Variants in DNMT3L observed in about 807,000 individuals in gnomAD.
DNMT3L encodes the protein DNA (cytosine-5)-methyltransferase 3-like.
A neutral mutation model predicts 36.2 loss-of-function variants in DNMT3L; 33 were observed. The observed-to-expected ratio is 0.91, with a 90% confidence interval of 0.69 to 1.22. The LOEUF (loss-of-function observed/expected upper bound fraction) is 1.22. Ranked by LOEUF, DNMT3L falls within the 50% of genes most tolerant of loss-of-function variation. The pLI, the probability that DNMT3L is intolerant of heterozygous loss-of-function variation, is 0.00. For synonymous variants in DNMT3L, 117 were observed against 121.7 expected, an observed-to-expected ratio of 0.96 and a Z score of 0.26; for missense variants, 310 against 303.1, an observed-to-expected ratio of 1.02 and a Z score of -0.17.
chr21:44,260,852 A>T lies in DNMT3L; in HGVS notation c.107-13T>A. On this transcript the variant is annotated splice_polypyrimidine_tract_variant and intron_variant, in intron 2 of 11. Coordinates refer to ENST00000628202, the MANE Select transcript of DNMT3L (RefSeq NM_175867.3). Reference sequence around the variant, plus strand: ...TATGCAATAAGATCTGGAAAGGAAGATAAGAAGTAGCCCCTTTCTTCTTCC... The same window carrying T: ...TATGCAATAAGATCTGGAAAGGAAGTTAAGAAGTAGCCCCTTTCTTCTTCC... 2 of 1,613,138 alleles carry T rather than the reference A, an allele frequency of 1.2e-6. No homozygotes were observed. The highest frequency in any genetic ancestry group is 1.7e-5 in the Admixed American group (1 of 60,014).
Position 44,261,187 on chromosome 21 carries a change from G to A in DNMT3L, c.73C>T (p.Leu25Phe). 1 of 1,612,746 alleles carries A rather than the reference G, an allele frequency of 6.2e-7. No individual in the cohort carries two copies. The highest frequency in any genetic ancestry group is 1.1e-5 in the South Asian group (1 of 91,088). ...GTCCCGGGTGAAACGGAGCTTGAGA[G>A]CTCACTGGATCCCACCAAAATCACG... Reference protein sequence around the residue: ...MDVILVGSSELSSSVSPGTGR... With the variant: ...MDVILVGSSEFSSSVSPGTGR... The change falls in exon 2 of 12, where the codon CTC (leucine) becomes TTC (phenylalanine). Residue 25 changes from leucine to phenylalanine, a missense_variant. By Grantham distance (22) the Leu-to-Phe change is conservative. Transcript: ENST00000628202.
chr21:44,259,710 G>T lies in DNMT3L; in HGVS notation c.153C>A (p.Asp51Glu), dbSNP rs1416986266. 8 of 1,609,284 alleles carry T rather than the reference G, an allele frequency of 5.0e-6. No individual in the cohort carries two copies. The highest frequency in any genetic ancestry group is 1.3e-5 in the African/African-American group (1 of 74,840). ...EVKANQRNIE[D>E]ICICCGSLQV... Reference sequence around the variant, plus strand: ...GGAGACTTCCGCAGCAGATGCAGATGTCTAAAGGAAACATTCAAAGCACAC... The same window carrying T: ...GGAGACTTCCGCAGCAGATGCAGATTTCTAAAGGAAACATTCAAAGCACAC... The change falls in exon 4 of 12, where the codon GAC becomes GAA. Residue 51 changes from aspartate (D) to glutamate (E), a missense_variant and splice_region_variant. Coordinates refer to ENST00000628202, the MANE Select transcript of DNMT3L (RefSeq NM_175867.3).
Position 44,258,637 on chromosome 21 carries a change from C to T in DNMT3L, c.402G>A (p.Val134=). The T allele has an allele frequency of 6.2e-7, 1 of 1,612,894 alleles. No individual in the cohort carries two copies. Among genetic ancestry groups the T allele is most frequent in the African/African-American group, 1.3e-5 (1 of 75,068 alleles). ...AGCACACCCAGTTGCTCATGGCGTG[C>T]ACCTTCCCCGAGGTCCCGGGGCCGA... ...SLVGPGTSGK[V]HAMSNWVCYL... The change falls in exon 6 of 12, where the codon GTG becomes GTA. Residue 134 remains valine (V), a synonymous_variant. Transcript: ENST00000628202. This position sits in a 1 kb window ranked among gnomAD's most constrained non-coding sequence, Gnocchi z 6.2.
chr21:44,253,543 C>G (rs928792287), intron 8 of DNMT3L, among the ~76,000 whole-genome samples: 1 of 152,086 alleles, frequency 6.6e-6, no homozygotes, highest in Non-Finnish European at 1.5e-5. Flanking sequence ...ATGGTGAAAC[C>G]CCGTCTCTAC....
At chr21:44,261,550 C>T (rs2040319411) in intron 1 of DNMT3L, among the ~76,000 whole-genome samples, 190 bp downstream of exon 1, 1 of 152,096 alleles carries the variant, frequency 6.6e-6, no homozygotes, top group South Asian at 2.1e-4. Flanking sequence ...GGGCAGGGCC[C>T]TCATGAGGAC....
At chr21:44,255,626 G>A (rs1439322677) in intron 7 of DNMT3L, among the ~76,000 whole-genome samples, 2 of 152,212 alleles carry the variant, frequency 1.3e-5, no homozygotes, top group African/African-American at 4.8e-5. Flanking sequence ...GCTGGTGTGA[G>A]CTGCAGAGCC....
chr21:44,256,346 C>G (rs892498416), intron 6 of DNMT3L, among the ~76,000 whole-genome samples, 192 bp from the exon 7 acceptor site: 2 of 151,932 alleles, frequency 1.3e-5, no homozygotes, highest in African/African-American at 2.4e-5. Context: ...CAACTCCACC[C>G]CCTGCTCCAG....
intron 5 of DNMT3L, among the ~76,000 whole-genome samples, 176 bp downstream of exon 5, chr21:44,259,260 AC>A (rs2040293609): frequency 6.6e-6 from 1 of 152,086 alleles, no homozygotes; most frequent in Non-Finnish European, 1.5e-5. Flanking sequence ...AACCGTAGAC[AC>A]CCGCCTCCCA....
Position 44,258,769 on chromosome 21 carries a change from T to A in DNMT3L, c.345-75A>T, listed in dbSNP as rs903273316. On this transcript the variant is annotated intron_variant, in intron 5 of 11. Coordinates refer to ENST00000628202, the MANE Select transcript of DNMT3L (RefSeq NM_175867.3). The surrounding 1 kb of genome is among the most constrained non-coding windows in gnomAD (Gnocchi z 6.2). Reference sequence around the variant, plus strand: ...CTGAGGATGGCAGAGGTGGGCCTGATTGAGCCTTGTTTTGGAGGGAAAAGT... The same window carrying A: ...CTGAGGATGGCAGAGGTGGGCCTGAATGAGCCTTGTTTTGGAGGGAAAAGT... 1 of 1,535,436 alleles carries A rather than the reference T, an allele frequency of 6.5e-7. No individual in the cohort carries two copies. Among genetic ancestry groups the A allele is most frequent in the Non-Finnish European group, 8.8e-7 (1 of 1,138,250 alleles).
intron 7 of DNMT3L, among the ~76,000 whole-genome samples, chr21:44,255,549 T>C (rs2040251006): frequency 6.7e-6 from 1 of 150,070 alleles, no homozygotes; most frequent in African/African-American, 2.5e-5. Flanking sequence ...GCACCAGGCA[T>C]TTCTGGGATG....
In DNMT3L at chr21:44,258,460, C is replaced by T. The variant is rs1036170984; in HGVS notation, c.516+63G>A. ...CGCGCCTGCATTCTGCAGCGGGAAC[C>T]GAGGGAAGGCCGTAAGTCAGGGCCT... is the stretch of plus-strand genomic sequence containing the variant. On this transcript the variant is annotated intron_variant, in intron 6 of 11. Coordinates refer to ENST00000628202, the MANE Select transcript of DNMT3L (RefSeq NM_175867.3). The surrounding 1 kb of genome is among the most constrained non-coding windows in gnomAD (Gnocchi z 6.2). 6 of 1,477,598 alleles carry T rather than the reference C, an allele frequency of 4.1e-6. No individual in the cohort carries two copies. Among genetic ancestry groups the T allele is most frequent in the African/African-American group, 1.4e-5 (1 of 70,976 alleles). 91.5% of individuals were successfully genotyped at this position (1,477,598 alleles called of 1,614,324 possible). A position where few individuals can be genotyped will look rare whatever the true frequency, so the allele number is the denominator to read the frequency against.
chr21:44,259,735 C>T (rs772262503), intron 3 of DNMT3L, 24 bp from the exon 4 acceptor site: 1 of 1,595,074 alleles, frequency 6.3e-7, no homozygotes, highest in South Asian at 1.1e-5. Context: ...TCAAAGCACA[C>T]TGTGTTTTCC....
chr21:44,261,068 A>T lies in DNMT3L; in HGVS notation c.106+86T>A. The T allele has an allele frequency of 7.9e-6, 12 of 1,521,948 alleles. 1 individual carries two copies. Among genetic ancestry groups the T allele is most frequent in the Non-Finnish European group, 1.1e-5 (12 of 1,110,520 alleles). The allele number at this position is 1,521,948 out of a possible 1,614,324, so 94.3% of individuals were successfully genotyped here. On this transcript the variant is annotated intron_variant, in intron 2 of 11. Coordinates refer to ENST00000628202, the MANE Select transcript of DNMT3L (RefSeq NM_175867.3). ...CCGGGTGCCTGAATAATGCATGAAT[A>T]CTCCAGAAGCCTGGAACTCCAGACC... is the stretch of plus-strand genomic sequence containing the variant.
Position 44,259,686 on chromosome 21 carries a change from G to A in DNMT3L, c.177C>T (p.Leu59=). ...IEDICICCGS[L]QVHTQHPLFE... is the part of the protein sequence containing the mutation. ...ACAGAGGGTGCTGTGTGTGAACCTGGAGACTTCCGCAGCAGATGCAGATGT... is the reference window on the plus strand; with the variant it reads ...ACAGAGGGTGCTGTGTGTGAACCTGAAGACTTCCGCAGCAGATGCAGATGT... Residue 59 remains leucine (L), a synonymous_variant, in exon 4 of 12, where the codon CTC becomes CTT. Transcript: ENST00000628202. 1 of 1,612,572 alleles carries A rather than the reference G, an allele frequency of 6.2e-7. No individual in the cohort carries two copies. Among genetic ancestry groups the A allele is most frequent in the Middle Eastern group, 1.6e-4 (1 of 6,062 alleles).
In DNMT3L at chr21:44,258,799, C is replaced by T; in HGVS notation, c.345-105G>A. ...CCTTGTTTTGGAGGGAAAAGTCACG[C>T]TGGAGCTCCCTTTGGGAAGACCAGG... is the stretch of plus-strand genomic sequence containing the variant. On this transcript the variant is annotated intron_variant, in intron 5 of 11. Coordinates refer to ENST00000628202, the MANE Select transcript of DNMT3L (RefSeq NM_175867.3). This position sits in a 1 kb window ranked among gnomAD's most constrained non-coding sequence, Gnocchi z 6.2. 2 of 1,442,482 alleles carry T rather than the reference C, an allele frequency of 1.4e-6. No homozygotes were observed. The highest frequency in any genetic ancestry group is 2.4e-5 in the Admixed American group (1 of 41,578). The allele number at this position is 1,442,482 out of a possible 1,614,324, so 89.4% of individuals were successfully genotyped here. A position where few individuals can be genotyped will look rare whatever the true frequency, so the allele number is the denominator to read the frequency against.
At position 44,261,125 on chromosome 21, in the gene DNMT3L, ACTGGTCCAATAAGCAG is replaced by A. The variant is rs916523270; in HGVS notation, c.106+13_106+28del. The A allele has an allele frequency of 4.4e-6, 7 of 1,607,046 alleles. No homozygotes were observed. In the African/African-American group the frequency reaches 9.4e-5, roughly 22 times the overall value. ...AGGCCTGGGATCAGCATCCTAAGTG[ACTGGTCCAATAAGCAG>A]ATGAGCCCTCACCTCTGCCTGTCCC... On this transcript the variant is annotated intron_variant, in intron 2 of 11. Transcript: ENST00000628202.
At chr21:44,253,915 G>A (rs1401252774) in intron 8 of DNMT3L, among the ~76,000 whole-genome samples, 1 of 152,162 alleles carries the variant, frequency 6.6e-6, no homozygotes, top group Non-Finnish European at 1.5e-5. Context: ...GTAGCAAGTG[G>A]ATAAACCTAA....
rs2040289208 is a variant in DNMT3L at position 44,258,909 on chromosome 21, A to G, written c.345-215T>C. 1.3e-5 allele frequency among the ~76,000 whole-genome samples: 2 copies of G among 152,096 alleles called. No individual in the cohort carries two copies. Among genetic ancestry groups the G allele is most frequent in the African/African-American group, 4.8e-5 (2 of 41,404 alleles). On this transcript the variant is annotated intron_variant, in intron 5 of 11. Transcript: ENST00000628202. The surrounding 1 kb of genome is among the most constrained non-coding windows in gnomAD (Gnocchi z 6.2). Reference sequence around the variant, plus strand: ...CCAGGTGCAGAAGACAGGGAGGTGGATTCACAGGCAATGACAGATCCAAGG... The same window carrying G: ...CCAGGTGCAGAAGACAGGGAGGTGGGTTCACAGGCAATGACAGATCCAAGG...
At chr21:44,255,744 G>A (rs1183548461) in intron 7 of DNMT3L, among the ~76,000 whole-genome samples, 1 of 152,236 alleles carries the variant, frequency 6.6e-6, no homozygotes, top group Non-Finnish European at 1.5e-5. Flanking sequence ...TCGGCTGCAT[G>A]GGGCAGATAT....
Sources: allele counts gnomAD v4.1 joint callset (sites outside exome capture counted in the v4.1 genomes callset), GRCh38; gene constraint gnomAD v4.1.1; non-coding constraint Gnocchi (gnomAD v3.1); transcripts MANE v1.5; gene names NCBI Gene and HGNC (gene_info 2026-07-23, HGNC 2026-07-21).